KLF8: variants seen among roughly 807,000 people sequenced by gnomAD.
KLF8 encodes the protein KLF transcription factor 8.
KLF8 carries 10 observed loss-of-function variants against 18.2 expected under a neutral mutation model. The observed-to-expected ratio is 0.55, with a 90% CI of 0.34 to 0.93. The LOEUF (loss-of-function observed/expected upper bound fraction) is 0.93. Ranked by LOEUF, KLF8 falls within the 40% of genes least tolerant of loss-of-function variation. KLF8 has a pLI of 0.02. For missense variants in KLF8, 264 were observed against 277.9 expected (o/e 0.95, Z 0.36); for synonymous variants, 109 against 97.3 (o/e 1.12, Z -0.71).
At chrX:56,104,160 G>C in the KLF8 span, among the ~76,000 whole-genome samples, 1 of 111,211 alleles carries the variant, frequency 9.0e-6, no homozygotes, top group African/African-American at 3.3e-5. Flanking sequence ...CAGGGATATT[G>C]GTCTGAAATT....
At chrX:55,978,067 A>T in the KLF8 span, among the ~76,000 whole-genome samples, 1 of 109,998 alleles carries the variant, frequency 9.1e-6, no homozygotes. Context: ...CTCTCTCTCT[A>T]TATATATATA....
At chrX:56,280,593 C>T (rs1028776439) in intron 5 of KLF8, among the ~76,000 whole-genome samples, 1 of 111,826 alleles carries the variant, frequency 8.9e-6, no homozygotes. Context: ...TTTTGAATAG[C>T]CTTTTTATTC....
At chrX:56,059,058 A>G in the KLF8 span, among the ~76,000 whole-genome samples, 1 of 111,884 alleles carries the variant, frequency 8.9e-6, no homozygotes, top group Non-Finnish European at 1.9e-5. Flanking sequence ...CTTGCATGAG[A>G]TAGTATCTCA....
the KLF8 span, among the ~76,000 whole-genome samples, chrX:56,060,443 C>T: frequency 8.9e-6 from 1 of 112,079 alleles, no homozygotes; most frequent in East Asian, 2.8e-4. Context: ...TTGAGACAAT[C>T]ATATGGTTTT....
In KLF8 at chrX:56,265,172, T is replaced by G. The variant is rs776831509; in HGVS notation, c.82-8T>G. 1.7e-6 allele frequency: 2 copies of G among 1,177,626 alleles called. No individual in the cohort carries two copies. Among genetic ancestry groups the G allele is most frequent in the East Asian group, 6.0e-5 (2 of 33,482 alleles). On this transcript the variant is annotated splice_region_variant and splice_polypyrimidine_tract_variant and intron_variant, in intron 2 of 5. Transcript: ENST00000468660. ...CTTATGCATCTCTCATTTGTTTATT[T>G]ATTTAAGGTCACTGCTTCTGTTCGG...
At chrX:55,915,854 G>A in the KLF8 span, among the ~76,000 whole-genome samples, 1 of 112,023 alleles carries the variant, frequency 8.9e-6, no homozygotes, top group Non-Finnish European at 1.9e-5. Context: ...CTTAGGAGTG[G>A]ACTGGGTTTT....
At chrX:55,964,652 G>T in the KLF8 span, among the ~76,000 whole-genome samples, 10 of 111,380 alleles carry the variant, frequency 9.0e-5, no homozygotes, top group African/African-American at 2.9e-4. Context: ...AAGATTGATA[G>T]ACTGCTAGAT....
At chrX:56,076,939 C>T in the KLF8 span, among the ~76,000 whole-genome samples, 11 of 111,668 alleles carry the variant, frequency 9.9e-5, no homozygotes, top group African/African-American at 3.3e-4. Flanking sequence ...TAAATGTCTT[C>T]TTTTGAGAAG....
chrX:56,193,636 TA>T, the KLF8 span, among the ~76,000 whole-genome samples: 1 of 112,012 alleles, frequency 8.9e-6, no homozygotes, highest in Non-Finnish European at 1.9e-5. Flanking sequence ...TATTTAGCCA[TA>T]AAAAAGATTG....
At chrX:56,261,510 T>C (rs1417600547) in intron 2 of KLF8, among the ~76,000 whole-genome samples, 1 of 111,454 alleles carries the variant, frequency 9.0e-6, no homozygotes, top group Non-Finnish European at 1.9e-5. Flanking sequence ...GTTTCAAAGC[T>C]GAAGTGATTA....
At chrX:55,994,257 T>C in the KLF8 span, among the ~76,000 whole-genome samples, 14 of 109,413 alleles carry the variant, frequency 1.3e-4, no homozygotes, top group Non-Finnish European at 2.1e-4. Context: ...TGTATTTCTG[T>C]AGCATTGGTG....
the KLF8 span, among the ~76,000 whole-genome samples, chrX:55,911,237 GGAA>G: frequency 9.0e-6 from 1 of 111,603 alleles, no homozygotes; most frequent in African/African-American, 3.3e-5. Flanking sequence ...AGATTGAGAA[GGAA>G]GAAGAGCAGG....
At chrX:56,062,230 G>C in the KLF8 span, among the ~76,000 whole-genome samples, 1 of 110,549 alleles carries the variant, frequency 9.0e-6, no homozygotes, top group Admixed American at 9.6e-5. Context: ...TATTTTGCTT[G>C]TTAGTTGATG....
At chrX:55,990,481 G>T in the KLF8 span, among the ~76,000 whole-genome samples, 3 of 112,142 alleles carry the variant, frequency 2.7e-5, no homozygotes, top group Admixed American at 2.8e-4. Flanking sequence ...TCAGGAGCAG[G>T]TTGTTCAGTT....
At chrX:56,186,725 T>C in the KLF8 span, among the ~76,000 whole-genome samples, 2 of 111,613 alleles carry the variant, frequency 1.8e-5, no homozygotes, top group East Asian at 2.8e-4. Flanking sequence ...AAGAAACTCA[T>C]TCAAAACCAC....
In KLF8 at chrX:56,233,285, C is replaced by T. The variant is rs2066424463; in HGVS notation, c.-50C>T. 3.3e-6 allele frequency: 4 copies of T among 1,205,850 alleles called. No homozygotes were observed. In the East Asian group the frequency reaches 1.2e-4, roughly 36 times the overall value. On this transcript the variant is annotated 5_prime_UTR_variant, in exon 1 of 6. Transcript: ENST00000468660. Reference sequence around the variant, plus strand: ...CGATCAGCTCAGGAGTATGAGCCTCCCGGAGGACGGCATGAGTTCTGGACA... The same window carrying T: ...CGATCAGCTCAGGAGTATGAGCCTCTCGGAGGACGGCATGAGTTCTGGACA...
chrX:55,989,545 G>T, the KLF8 span, among the ~76,000 whole-genome samples: 2 of 112,285 alleles, frequency 1.8e-5, no homozygotes, highest in African/African-American at 6.5e-5. Context: ...GCATCCCAGG[G>T]ATGAAGCCCC....
intron 3 of KLF8, 117 bp from the exon 4 acceptor site, chrX:56,269,261 T>G (rs2067015251): frequency 9.5e-7 from 1 of 1,052,127 alleles, no homozygotes; most frequent in Non-Finnish European, 1.2e-6. Context: ...TGTTTTTTAT[T>G]TCTTTATTTT....
the KLF8 span, among the ~76,000 whole-genome samples, chrX:56,112,339 G>T: frequency 9.0e-6 from 1 of 111,098 alleles, no homozygotes; most frequent in Non-Finnish European, 1.9e-5. Context: ...CCATGGAGTG[G>T]GGGGCTGGGG....
Sources: gnomAD v4.1 joint callset for allele counts (sites outside exome capture counted in the v4.1 genomes callset) on GRCh38, gnomAD v4.1.1 for gene constraint, MANE v1.5 for transcripts, NCBI Gene and HGNC (gene_info 2026-07-23, HGNC 2026-07-21) for gene names.